ARHGAP26: variants seen among roughly 807,000 people sequenced by gnomAD.
The protein encoded by ARHGAP26 is Rho GTPase activating protein 26, also known as rho GTPase-activating protein 26.
Under a neutral mutation model 104.8 loss-of-function variants are expected in ARHGAP26, and 38 were observed. The ratio of observed to expected loss-of-function variants is 0.36; its 90% confidence interval spans 0.28 to 0.48. The LOEUF (loss-of-function observed/expected upper bound fraction) is 0.48, where lower values mean the gene tolerates loss of function less well. Among genes scored for constraint, ARHGAP26 ranks in the 20% least tolerant of loss-of-function variants. The pLI, the probability that ARHGAP26 is intolerant of heterozygous loss-of-function variation, is 0.99. For synonymous variants in ARHGAP26, 341 were observed against 340.0 expected, an observed-to-expected ratio of 1.00 and a Z score of -0.03; for missense variants, 704 against 947.9, an observed-to-expected ratio of 0.74 and a Z score of 3.38.
intron 20 of ARHGAP26, chr5:143,202,416 G>A (rs552753702): frequency 6.6e-6 from 1 of 152,066 alleles, no homozygotes; most frequent in Admixed American, 6.6e-5. Context: ...AATAAGACAA[G>A]GACACAAACA....
At chr5:142,831,940 T>A (rs1768521822) in intron 1 of ARHGAP26, among the ~76,000 whole-genome samples, 1 of 152,184 alleles carries the variant, frequency 6.6e-6, no homozygotes, top group Non-Finnish European at 1.5e-5. Flanking sequence ...TGTCTCTGTT[T>A]GCATCAGATT....
chr5:142,789,705 C>T (rs763612334), intron 1 of ARHGAP26, among the ~76,000 whole-genome samples: 9 of 152,172 alleles, frequency 5.9e-5, no homozygotes, highest in Non-Finnish European at 7.3e-5. Context: ...GTTTACATTT[C>T]CTTGCACCCC....
intron 11 of ARHGAP26, among the ~76,000 whole-genome samples, chr5:143,009,132 T>C (rs1000857352): frequency 2.6e-5 from 4 of 152,072 alleles, no homozygotes; most frequent in African/African-American, 9.7e-5. Flanking sequence ...TATGAAGTGT[T>C]ACTTCTATAC....
intron 12 of ARHGAP26, among the ~76,000 whole-genome samples, chr5:143,036,931 A>G (rs765258988): frequency 2.9e-4 from 44 of 152,202 alleles, no homozygotes; most frequent in Non-Finnish European, 5.1e-4. Flanking sequence ...AGATAATTTT[A>G]CAGGTTACTA....
rs563572570 is a variant in ARHGAP26 at position 143,108,334 on chromosome 5, A to G, written c.1539-12654A>G. ...TTTTCATGGATGTTAGAGCTCTAGG[A>G]TGTTTTTCACCTTTTACCGTATGAA... is the stretch of plus-strand genomic sequence containing the variant. On this transcript the variant is annotated intron_variant, in intron 17 of 22. Transcript: ENST00000645722. 2.0e-5 allele frequency among the ~76,000 whole-genome samples: 3 copies of G among 152,290 alleles called. No individual in the cohort carries two copies. In the South Asian group the frequency reaches 6.2e-4, roughly 32 times the overall value.
intron 20 of ARHGAP26, among the ~76,000 whole-genome samples, chr5:143,179,831 G>GT (rs903522302): frequency 6.6e-6 from 1 of 152,128 alleles, no homozygotes; most frequent in Non-Finnish European, 1.5e-5. Flanking sequence ...AATGCCTCAT[G>GT]TCAGCCTGCA....
chr5:142,998,051 C>T (rs900885647), intron 11 of ARHGAP26, among the ~76,000 whole-genome samples: 1 of 152,076 alleles, frequency 6.6e-6, no homozygotes, highest in African/African-American at 2.4e-5. Flanking sequence ...TTGCAGGAAC[C>T]TAACTGTGTT....
chr5:142,923,418 G>GA (rs764909416), intron 10 of ARHGAP26, among the ~76,000 whole-genome samples: 79 of 149,444 alleles, frequency 5.3e-4, no homozygotes, highest in East Asian at 3.5e-3. Context: ...TAGTAAAAAT[G>GA]AAAAAAAAAT....
In ARHGAP26 at chr5:142,927,330, CAA is replaced by C. The variant is rs35376912; in HGVS notation, c.1029-4702_1029-4701del. Among the ~76,000 whole-genome samples the C allele has an allele frequency of 3.8e-3, 517 of 134,508 alleles. 3 individuals are homozygous for C. Among genetic ancestry groups the C allele is most frequent in the African/African-American group, 0.011 (418 of 36,808 alleles). 88.2% of individuals were successfully genotyped at this position (134,508 alleles called of 152,430 possible). On this transcript the variant is annotated intron_variant, in intron 10 of 22. Coordinates refer to ENST00000645722, the MANE Select transcript of ARHGAP26 (RefSeq NM_001135608.3). ...CTCAGTCACTGCCCATATCTCTTTT[CAA>C]AAAAAAAAAAAAAATCACTCTTCTG... is the stretch of plus-strand genomic sequence containing the variant.
At chr5:142,855,644 A>G (rs770400820) in intron 1 of ARHGAP26, among the ~76,000 whole-genome samples, 21 of 152,320 alleles carry the variant, frequency 1.4e-4, no homozygotes, top group Non-Finnish European at 2.5e-4. Context: ...CAGTGTCTTC[A>G]TCTTCTGTCC....
chr5:142,874,821 C>T (rs1165416848), intron 2 of ARHGAP26: 1 of 299,446 alleles, frequency 3.3e-6, no homozygotes, highest in African/African-American at 2.2e-5. Context: ...AGCCCGGGGC[C>T]TGGAAGCCTG....
intron 10 of ARHGAP26, chr5:142,915,431 T>A (rs546580553): frequency 6.6e-6 from 1 of 151,796 alleles, no homozygotes; most frequent in African/African-American, 2.4e-5. Flanking sequence ...TGATCTCGGC[T>A]CACTGCAACC....
intron 20 of ARHGAP26, chr5:143,169,573 A>G (rs1802490508): frequency 6.6e-6 from 1 of 152,240 alleles, no homozygotes; most frequent in Non-Finnish European, 1.5e-5. Context: ...ATACAGGCTG[A>G]GCCTAATTTC....
chr5:143,099,461 G>C (rs991913215), intron 17 of ARHGAP26, among the ~76,000 whole-genome samples: 2 of 152,150 alleles, frequency 1.3e-5, no homozygotes, highest in Non-Finnish European at 2.9e-5. Context: ...TCCTTGACAG[G>C]CCTCACCATC....
At chr5:143,164,943 G>A (rs1441752693) in intron 20 of ARHGAP26, 1 of 152,204 alleles carries the variant, frequency 6.6e-6, no homozygotes, top group Non-Finnish European at 1.5e-5. Flanking sequence ...AAAGAGAAGA[G>A]CAATGTGATT....
chr5:143,065,910 A>G (rs1787410813), intron 17 of ARHGAP26, among the ~76,000 whole-genome samples: 1 of 152,206 alleles, frequency 6.6e-6, no homozygotes, highest in Non-Finnish European at 1.5e-5. Context: ...CTCTTTGAAG[A>G]TGGTCTCAAG....
chr5:143,017,460 A>T (rs245813), intron 12 of ARHGAP26, among the ~76,000 whole-genome samples: 27,790 of 152,160 alleles, frequency 0.18, 3,077 homozygotes, highest in East Asian at 0.48. Flanking sequence ...AGATGAATTC[A>T]TCACACTCCC....
intron 11 of ARHGAP26, among the ~76,000 whole-genome samples, chr5:142,970,226 A>G (rs1426165268): frequency 2.6e-5 from 4 of 152,210 alleles, no homozygotes; most frequent in East Asian, 1.9e-4. Flanking sequence ...ATAGAAAGAT[A>G]ATAAATCCCA....
At position 143,082,685 on chromosome 5, in the gene ARHGAP26, C is replaced by T. The variant is rs528480596; in HGVS notation, c.1538+24938C>T. The stretch of plus-strand genomic sequence containing the variant: ...TATTTTGTTCTCACTATACTGTAGC[C>T]GCACATAAGCGTAATTACAGATCTG... On this transcript the variant is annotated intron_variant, in intron 17 of 22. Transcript: ENST00000645722. 5.9e-5 allele frequency among the ~76,000 whole-genome samples: 9 copies of T among 152,252 alleles called. No individual in the cohort carries two copies. The South Asian group carries it at 1.9e-3, about 32-fold the overall frequency.
Sources: allele counts gnomAD v4.1 joint callset (sites outside exome capture counted in the v4.1 genomes callset), GRCh38; gene constraint gnomAD v4.1.1; transcripts MANE v1.5; gene names NCBI Gene and HGNC (gene_info 2026-07-23, HGNC 2026-07-21).